The following GPATCH2L variants were observed in gnomAD, a reference collection of about 807,000 sequenced individuals.
GPATCH2L encodes G patch domain-containing protein 2-like.
GPATCH2L carries 31 observed loss-of-function variants against 57.4 expected under a neutral mutation model. That is an observed-to-expected ratio of 0.54 (90% confidence interval 0.41 to 0.73). GPATCH2L has a LOEUF of 0.73. GPATCH2L is among the 30% of genes least tolerant of loss of function. The probability of loss-of-function intolerance (pLI) is 0.00; values close to 1 mark genes in which losing one functional copy is unlikely to be tolerated. For missense variants in GPATCH2L, 481 were observed against 599.9 expected (o/e 0.80, Z 2.07); for synonymous variants, 199 against 210.7 (o/e 0.94, Z 0.48).
chr14:76,188,798 T>C (rs34601945), intron 8 of GPATCH2L, among the ~76,000 whole-genome samples: 12,098 of 152,104 alleles, frequency 0.08, 617 homozygotes, highest in South Asian at 0.12. Context: ...GTCCTGGAGA[T>C]TTTTCCCAAT....
At position 76,210,296 on chromosome 14, in the gene GPATCH2L, A is replaced by G. The variant is rs922330496; in HGVS notation, c.*8445A>G. 2.0e-5 allele frequency: 3 copies of G among 152,244 alleles called. No homozygotes were observed. Among genetic ancestry groups the G allele is most frequent in the Non-Finnish European group, 4.4e-5 (3 of 68,042 alleles). The allele number at this position is 152,244 out of a possible 1,614,324, so 9.4% of individuals were successfully genotyped here. A position where few individuals can be genotyped will look rare whatever the true frequency, so the allele number is the denominator to read the frequency against. Reference sequence around the variant, plus strand: ...TTACAGACAAACTTGCTCGAGTCACATATCTATTAAGTGTCAGTCAAGATT... The same window carrying G: ...TTACAGACAAACTTGCTCGAGTCACGTATCTATTAAGTGTCAGTCAAGATT... On this transcript the variant is annotated 3_prime_UTR_variant, in exon 10 of 10. Coordinates refer to ENST00000261530, the MANE Select transcript of GPATCH2L (RefSeq NM_017926.4).
chr14:76,201,257 T>C (rs2040303795), intron 9 of GPATCH2L, among the ~76,000 whole-genome samples: 1 of 152,162 alleles, frequency 6.6e-6, no homozygotes, highest in South Asian at 2.1e-4. Flanking sequence ...CCAGCTCTGT[T>C]TTATCCCTGA....
chr14:76,172,122 T>C, intron 4 of GPATCH2L, 103 bp downstream of exon 4: 1 of 712,848 alleles, frequency 1.4e-6, no homozygotes, highest in Non-Finnish European at 2.2e-6. Context: ...ACACATTAAC[T>C]ATCTGAATTT....
intron 8 of GPATCH2L, among the ~76,000 whole-genome samples, chr14:76,187,273 G>A (rs376905370): frequency 6.6e-6 from 1 of 151,906 alleles, no homozygotes; most frequent in African/African-American, 2.4e-5. Context: ...CAGTGTCTCG[G>A]AGTATTAATT....
chr14:76,173,787 G>A, intron 5 of GPATCH2L, 162 bp downstream of exon 5: 1 of 536,876 alleles, frequency 1.9e-6, no homozygotes, highest in Non-Finnish European at 3.4e-6. Flanking sequence ...TGTAGAATGT[G>A]AATGGATATA....
At chr14:76,227,497 G>T (rs926516455) in intron 1 of GPATCH2L, among the ~76,000 whole-genome samples, 1 of 152,166 alleles carries the variant, frequency 6.6e-6, no homozygotes, top group African/African-American at 2.4e-5. Context: ...TTGATTCCTT[G>T]TGGAGAGACG....
intron 1 of GPATCH2L, among the ~76,000 whole-genome samples, chr14:76,227,875 G>A (rs192841112): frequency 1.1e-4 from 17 of 152,256 alleles, no homozygotes; most frequent in South Asian, 4.2e-4. Flanking sequence ...GGAAAAGCCC[G>A]TTGCAGGTCA....
intron 1 of GPATCH2L, among the ~76,000 whole-genome samples, chr14:76,228,953 C>T (rs762701619): frequency 4.6e-5 from 7 of 152,194 alleles, no homozygotes; most frequent in Non-Finnish European, 1.0e-4. Flanking sequence ...GATGCTGTGT[C>T]CTGAAAATAA....
intron 2 of GPATCH2L, among the ~76,000 whole-genome samples, chr14:76,233,555 A>G (rs758672506): frequency 3.9e-5 from 6 of 152,168 alleles, no homozygotes; most frequent in Non-Finnish European, 7.4e-5. Context: ...ACTCCTGGGA[A>G]TTCTACCTCA....
At chr14:76,222,218 A>C (rs1367084148) in intron 1 of GPATCH2L, among the ~76,000 whole-genome samples, 1 of 152,236 alleles carries the variant, frequency 6.6e-6, no homozygotes, top group Non-Finnish European at 1.5e-5. Context: ...CCAAACCTTC[A>C]TATTCTAAGA....
chr14:76,160,288 G>T (rs1156356922), intron 2 of GPATCH2L, among the ~76,000 whole-genome samples: 2 of 152,236 alleles, frequency 1.3e-5, no homozygotes, highest in African/African-American at 4.8e-5. Flanking sequence ...GAGAAAGGAT[G>T]CAGGGGCTTG....
chr14:76,227,317 C>T (rs932792224), intron 1 of GPATCH2L, among the ~76,000 whole-genome samples: 1 of 152,140 alleles, frequency 6.6e-6, no homozygotes, highest in Non-Finnish European at 1.5e-5. Flanking sequence ...GGTGTTTCTC[C>T]CTCTTCTCCT....
At chr14:76,200,311 G>T (rs1429840859) in intron 9 of GPATCH2L, among the ~76,000 whole-genome samples, 2 of 152,288 alleles carry the variant, frequency 1.3e-5, no homozygotes, top group East Asian at 1.9e-4. Flanking sequence ...GTTAAAAATG[G>T]ATAAGATAGC....
At chr14:76,228,008 G>A (rs1404878607) in intron 1 of GPATCH2L, among the ~76,000 whole-genome samples, 1 of 152,198 alleles carries the variant, frequency 6.6e-6, no homozygotes, top group Admixed American at 6.5e-5. Flanking sequence ...AAGGGAAATA[G>A]CAGTGGACAA....
At chr14:76,162,703 T>G (rs2543387) in intron 2 of GPATCH2L, among the ~76,000 whole-genome samples, 117,007 of 152,108 alleles carry the variant, frequency 0.77, 45,989 homozygotes, top group South Asian at 0.88. Context: ...CAAAGGAAGA[T>G]CATTCAGGAA....
At chr14:76,218,335 A>G (rs1291957889), downstream of GPATCH2L, among the ~76,000 whole-genome samples, 1 of 152,118 alleles carries the variant, frequency 6.6e-6, no homozygotes, top group Non-Finnish European at 1.5e-5. Flanking sequence ...GACCTTACAA[A>G]ATAAGAATTT....
chr14:76,158,182 G>A (rs892406202), intron 2 of GPATCH2L, among the ~76,000 whole-genome samples: 2 of 151,858 alleles, frequency 1.3e-5, no homozygotes, highest in Admixed American at 1.3e-4. Context: ...TCACATTCAG[G>A]AGCCTTCCTA....
intron 3 of GPATCH2L, among the ~76,000 whole-genome samples, chr14:76,171,112 A>G (rs1360510154): frequency 6.6e-6 from 1 of 152,172 alleles, no homozygotes; most frequent in Non-Finnish European, 1.5e-5. Flanking sequence ...TTTTCATTGT[A>G]AAATGAATCA....
At chr14:76,222,512 T>TG (rs1177127037) in intron 1 of GPATCH2L, among the ~76,000 whole-genome samples, 2 of 149,722 alleles carry the variant, frequency 1.3e-5, no homozygotes, top group Non-Finnish European at 3.0e-5. Context: ...GAGGCTGAGG[T>TG]GGGGGAATCA....
Sources: gnomAD v4.1 joint callset for allele counts (sites outside exome capture counted in the v4.1 genomes callset) on GRCh38, gnomAD v4.1.1 for gene constraint, MANE v1.5 for transcripts, NCBI Gene and HGNC (gene_info 2026-07-23, HGNC 2026-07-21) for gene names.